LYZL4: variants seen among roughly 807,000 people sequenced by gnomAD.
LYZL4 encodes the protein lysozyme like 4, also known as lysozyme-like protein 4.
LYZL4 carries 13 observed loss-of-function variants against 17.6 expected under a neutral mutation model. That is an observed-to-expected ratio of 0.74 (90% CI 0.48 to 1.18). The LOEUF is 1.18. LYZL4 is among the 50% of genes most tolerant of loss of function. The pLI is 0.00. For synonymous variants in LYZL4, 64 were observed against 67.7 expected (o/e 0.95, Z 0.27); for missense variants, 174 against 188.2 (o/e 0.92, Z 0.44).
chr3:42,394,825 C>A (rs1381853003), downstream of LYZL4, among the ~76,000 whole-genome samples: 1 of 152,172 alleles, frequency 6.6e-6, no homozygotes, highest in Non-Finnish European at 1.5e-5. Flanking sequence ...AAGCAATGGG[C>A]TGGAAAGAGG....
At chr3:42,392,667 T>G (rs924438301), downstream of LYZL4, among the ~76,000 whole-genome samples, 5 of 152,126 alleles carry the variant, frequency 3.3e-5, no homozygotes, top group African/African-American at 1.2e-4. Flanking sequence ...TGATGGTGGC[T>G]GTGGAATCTA....
the LYZL4 span, among the ~76,000 whole-genome samples, chr3:42,378,154 T>C: frequency 6.6e-6 from 1 of 152,172 alleles, no homozygotes; most frequent in Non-Finnish European, 1.5e-5. Flanking sequence ...AAGTCCCCAG[T>C]GTCCCAACAG....
At chr3:42,384,218 A>T in the LYZL4 span, among the ~76,000 whole-genome samples, 2 of 152,236 alleles carry the variant, frequency 1.3e-5, no homozygotes, top group East Asian at 3.8e-4. Flanking sequence ...CCGAAGTATC[A>T]GTCTCAAGTA....
chr3:42,376,208 C>A, the LYZL4 span, among the ~76,000 whole-genome samples: 750 of 152,312 alleles, frequency 4.9e-3, 3 homozygotes, highest in African/African-American at 0.017. Context: ...AAGTTCCAGG[C>A]CTGCAGTGGA....
the LYZL4 span, among the ~76,000 whole-genome samples, chr3:42,391,441 G>A: frequency 6.6e-6 from 1 of 152,168 alleles, no homozygotes; most frequent in African/African-American, 2.4e-5. Flanking sequence ...AAAGAGGGGA[G>A]ACACCAGGAA....
At chr3:42,389,873 T>C in the LYZL4 span, among the ~76,000 whole-genome samples, 1 of 152,140 alleles carries the variant, frequency 6.6e-6, no homozygotes, top group African/African-American at 2.4e-5. Context: ...TATGGCTTCA[T>C]GGGGAGTTCT....
chr3:42,370,462 G>C, the LYZL4 span, among the ~76,000 whole-genome samples: 1 of 152,164 alleles, frequency 6.6e-6, no homozygotes, highest in Non-Finnish European at 1.5e-5. Flanking sequence ...GTAGCCCCTG[G>C]TCCAGGGAGA....
chr3:42,395,005 T>C (rs181146289), downstream of LYZL4, among the ~76,000 whole-genome samples: 1 of 152,348 alleles, frequency 6.6e-6, no homozygotes, highest in East Asian at 1.9e-4. Context: ...AAGCTTCACA[T>C]TGATCTCAAC....
chr3:42,393,711 T>C (rs144620319), downstream of LYZL4, among the ~76,000 whole-genome samples: 115 of 152,352 alleles, frequency 7.5e-4, 1 homozygote, highest in African/African-American at 2.7e-3. Context: ...ACAGATTCCC[T>C]GGACCACATC....
chr3:42,384,615 C>T, the LYZL4 span, among the ~76,000 whole-genome samples: 3 of 152,148 alleles, frequency 2.0e-5, no homozygotes, highest in Non-Finnish European at 4.4e-5. Flanking sequence ...GGAAACTAAG[C>T]AAACAAGCAA....
At chr3:42,377,169 C>T in the LYZL4 span, among the ~76,000 whole-genome samples, 180 of 152,212 alleles carry the variant, frequency 1.2e-3, no homozygotes, top group African/African-American at 3.9e-3. Context: ...GTGAGTCTCC[C>T]GAGCATGTGT....
the LYZL4 span, among the ~76,000 whole-genome samples, chr3:42,385,854 A>G: frequency 4.6e-5 from 7 of 152,186 alleles, no homozygotes; most frequent in Non-Finnish European, 8.8e-5. Context: ...AGAAAACACA[A>G]TTGTGTTGGT....
chr3:42,383,397 A>G, the LYZL4 span, among the ~76,000 whole-genome samples: 1 of 146,248 alleles, frequency 6.8e-6, no homozygotes, highest in Non-Finnish European at 1.5e-5. Flanking sequence ...TCCATGGTGA[A>G]CCCCATCATC....
chr3:42,373,617 A>G, the LYZL4 span, among the ~76,000 whole-genome samples: 2 of 152,130 alleles, frequency 1.3e-5, no homozygotes, highest in Non-Finnish European at 2.9e-5. Flanking sequence ...ATTGCCGGCA[A>G]TGACTACAGA....
At chr3:42,372,933 G>A in the LYZL4 span, among the ~76,000 whole-genome samples, 2 of 152,176 alleles carry the variant, frequency 1.3e-5, no homozygotes, top group Non-Finnish European at 2.9e-5. Flanking sequence ...ATGGCTGGGT[G>A]TGGTGGCTCA....
In LYZL4 at chr3:42,401,974, G is replaced by A. The variant is rs950831861; in HGVS notation, c.371+2072C>T. 4.6e-5 allele frequency among the ~76,000 whole-genome samples: 7 copies of A among 152,122 alleles called. No individual in the cohort carries two copies. In the East Asian group the frequency reaches 1.4e-3, roughly 29 times the overall value. ...AAGAAAGGATATTGCAGAGCCAAAT[G>A]TGAAAGATAAAACAATAAAGCTTTT... is the stretch of plus-strand genomic sequence containing the variant. On this transcript the variant is annotated intron_variant, in intron 4 of 4. Transcript: ENST00000287748.
the LYZL4 span, among the ~76,000 whole-genome samples, chr3:42,369,234 T>G: frequency 2.9e-5 from 4 of 139,892 alleles, no homozygotes; most frequent in Non-Finnish European, 5.9e-5. Context: ...TTTTTTCCTA[T>G]TTTGAAAAAT....
the LYZL4 span, among the ~76,000 whole-genome samples, chr3:42,361,491 TA>T: frequency 6.8e-3 from 1,037 of 152,130 alleles, 15 homozygotes; most frequent in African/African-American, 0.024. Flanking sequence ...TGTTTTCTAA[TA>T]AAAAAATTAA....
chr3:42,387,539 C>T, the LYZL4 span, among the ~76,000 whole-genome samples: 14 of 152,128 alleles, frequency 9.2e-5, no homozygotes, highest in African/African-American at 3.4e-4. Flanking sequence ...CCACACCTGC[C>T]GTCCCTTGGT....
Sources: gnomAD v4.1 joint callset for allele counts (sites outside exome capture counted in the v4.1 genomes callset) on GRCh38, gnomAD v4.1.1 for gene constraint, MANE v1.5 for transcripts, NCBI Gene and HGNC (gene_info 2026-07-23, HGNC 2026-07-21) for gene names.